The following PLCL1 variants were observed in gnomAD, a reference collection of about 807,000 sequenced individuals.
PLCL1 encodes phospholipase C like 1 (inactive).
Under a neutral mutation model 84.4 loss-of-function variants are expected in PLCL1, and 41 were observed. The observed-to-expected ratio is 0.49, with a 90% CI of 0.38 to 0.63. The LOEUF (loss-of-function observed/expected upper bound fraction) is 0.63. Among genes scored for constraint, PLCL1 ranks in the 30% least tolerant of loss-of-function variants. The pLI, the probability that PLCL1 is intolerant of heterozygous loss-of-function variation, is 0.00. For missense variants in PLCL1, 1,206 were observed against 1,367.8 expected, an observed-to-expected ratio of 0.88 and a Z score of 1.87; for synonymous variants, 490 against 488.3, an observed-to-expected ratio of 1.00 and a Z score of -0.05.
Position 198,147,073 on chromosome 2 carries a change from G to A in PLCL1, c.*111G>A. ...TTCACAAAATGGTGCCCTATATGGG[G>A]TATTGGACATAGATATTTTCACAAT... On this transcript the variant is annotated 3_prime_UTR_variant, in exon 6 of 6. Coordinates refer to ENST00000428675, the MANE Select transcript of PLCL1 (RefSeq NM_006226.4). 1.3e-6 allele frequency: 1 copy of A among 741,852 alleles called. No homozygotes were observed. The highest frequency in any genetic ancestry group is 2.1e-6 in the Non-Finnish European group (1 of 467,944). 46.0% of individuals were successfully genotyped at this position (741,852 alleles called of 1,614,324 possible).
intron 3 of PLCL1, among the ~76,000 whole-genome samples, chr2:198,093,031 C>T (rs1436654929): frequency 6.6e-6 from 1 of 152,120 alleles, no homozygotes; most frequent in African/African-American, 2.4e-5. Context: ...CTGACACCAC[C>T]CTTGCTGAAT....
At chr2:197,810,822 C>G (rs114830876) in intron 1 of PLCL1, among the ~76,000 whole-genome samples, 1,795 of 152,084 alleles carry the variant, frequency 0.012, 45 homozygotes, top group African/African-American at 0.04. Context: ...AAAAATAACT[C>G]CACATTCAGG....
chr2:198,071,069 T>A, intron 1 of PLCL1: 1 of 647,428 alleles, frequency 1.5e-6, no homozygotes, highest in Non-Finnish European at 1.9e-6. Flanking sequence ...ATACTATAAG[T>A]ACTCTTCTGT....
chr2:197,976,332 C>G (rs1689980664), intron 1 of PLCL1, among the ~76,000 whole-genome samples: 1 of 152,212 alleles, frequency 6.6e-6, no homozygotes, highest in African/African-American at 2.4e-5. Context: ...TGCTGACTCT[C>G]TCTTTCTTCT....
intron 1 of PLCL1, among the ~76,000 whole-genome samples, chr2:198,007,805 CCTGA>C (rs1690765440): frequency 6.6e-6 from 1 of 151,994 alleles, no homozygotes; most frequent in Admixed American, 6.6e-5. Flanking sequence ...TAATTTACAC[CCTGA>C]CTGTCTCCAT....
chr2:197,913,792 A>G (rs1391197582), intron 1 of PLCL1, among the ~76,000 whole-genome samples: 2 of 152,062 alleles, frequency 1.3e-5, no homozygotes, highest in African/African-American at 4.8e-5. Flanking sequence ...GACACAAACT[A>G]TGGTAGTTTA....
At chr2:197,984,198 CAT>C (rs1324536861) in intron 1 of PLCL1, among the ~76,000 whole-genome samples, 1 of 152,166 alleles carries the variant, frequency 6.6e-6, no homozygotes, top group Non-Finnish European at 1.5e-5. Context: ...TTTGTTTCAA[CAT>C]GTTTTACTTT....
intron 1 of PLCL1, among the ~76,000 whole-genome samples, chr2:198,020,784 C>T (rs552546365): frequency 6.6e-6 from 1 of 152,250 alleles, no homozygotes; most frequent in South Asian, 2.1e-4. Flanking sequence ...CTTAGCCTCC[C>T]ACACAGTACT....
At chr2:198,080,124 A>G (rs1306093898) in intron 1 of PLCL1, among the ~76,000 whole-genome samples, 1 of 152,228 alleles carries the variant, frequency 6.6e-6, no homozygotes, top group Non-Finnish European at 1.5e-5. Context: ...CAGTTCAGTC[A>G]TCTAATGAGC....
intron 1 of PLCL1, among the ~76,000 whole-genome samples, chr2:197,929,342 C>T (rs2105763820): frequency 6.6e-6 from 1 of 152,298 alleles, no homozygotes; most frequent in Non-Finnish European, 1.5e-5. Context: ...TAGAAGGAAG[C>T]TCCACCTTCC....
chr2:197,805,020 G>T lies in PLCL1; in HGVS notation c.-80G>T. 1 of 1,383,882 alleles carries T rather than the reference G, an allele frequency of 7.2e-7. No homozygotes were observed. The highest frequency in any genetic ancestry group is 3.2e-5 in the Admixed American group (1 of 31,170). 85.7% of individuals were successfully genotyped at this position (1,383,882 alleles called of 1,614,324 possible). On this transcript the variant is annotated 5_prime_UTR_variant, in exon 1 of 6. In the 5' UTR this introduces an upstream ATG that the reference lacks. Coordinates refer to ENST00000428675, the MANE Select transcript of PLCL1 (RefSeq NM_006226.4). This position sits in a 1 kb window ranked among gnomAD's most constrained non-coding sequence, Gnocchi z 4.0. ...TCTGGCGGGGCCGCCTCCCGGTGCA[G>T]GAGCGCACCGGTGCCTAGCGGCTGG...
At chr2:197,978,431 T>A (rs930569371) in intron 1 of PLCL1, among the ~76,000 whole-genome samples, 5 of 152,184 alleles carry the variant, frequency 3.3e-5, no homozygotes, top group African/African-American at 1.2e-4. Context: ...TGAGCCGAGA[T>A]GGCGGCACTG....
chr2:198,079,191 A>G (rs1319876954), intron 1 of PLCL1, among the ~76,000 whole-genome samples: 2 of 151,790 alleles, frequency 1.3e-5, no homozygotes, highest in Non-Finnish European at 2.9e-5. Flanking sequence ...GCAAATGTCA[A>G]TGGGAATTTA....
chr2:198,052,857 A>T (rs1454481537), intron 1 of PLCL1, among the ~76,000 whole-genome samples: 1 of 151,974 alleles, frequency 6.6e-6, no homozygotes, highest in Non-Finnish European at 1.5e-5. Flanking sequence ...AAAATGAGGT[A>T]CCTCCCCCTT....
intron 1 of PLCL1, among the ~76,000 whole-genome samples, chr2:198,011,425 T>C (rs1690866061): frequency 6.6e-6 from 1 of 152,106 alleles, no homozygotes; most frequent in Non-Finnish European, 1.5e-5. Flanking sequence ...ATTTTCCTAT[T>C]TTCTTTCTGC....
chr2:197,886,656 CT>C (rs1427741076), intron 1 of PLCL1, among the ~76,000 whole-genome samples: 2 of 152,062 alleles, frequency 1.3e-5, no homozygotes, highest in East Asian at 1.9e-4. Context: ...TTTCGATCTA[CT>C]TTCTAGGTCC....
chr2:197,840,947 G>A (rs1686988828), intron 1 of PLCL1, among the ~76,000 whole-genome samples: 1 of 152,184 alleles, frequency 6.6e-6, no homozygotes, highest in Non-Finnish European at 1.5e-5. Context: ...TTTGGTGTAA[G>A]TCAGAAATAA....
chr2:198,024,853 C>T (rs1291931244), intron 1 of PLCL1, among the ~76,000 whole-genome samples: 1 of 151,298 alleles, frequency 6.6e-6, no homozygotes, highest in African/African-American at 2.4e-5. Flanking sequence ...GAATTAATTT[C>T]CCTAATTAAC....
At chr2:197,819,970 G>C (rs887978967) in intron 1 of PLCL1, among the ~76,000 whole-genome samples, 1 of 151,076 alleles carries the variant, frequency 6.6e-6, no homozygotes, top group Non-Finnish European at 1.5e-5. Flanking sequence ...ATTTTCTTTT[G>C]TCTTCCAAAC....
Sources: gnomAD v4.1 joint callset for allele counts (sites outside exome capture counted in the v4.1 genomes callset) on GRCh38, gnomAD v4.1.1 for gene constraint, Gnocchi (gnomAD v3.1) non-coding constraint, MANE v1.5 for transcripts, NCBI Gene and HGNC (gene_info 2026-07-23, HGNC 2026-07-21) for gene names.